Variants in EXOC6B observed in about 807,000 individuals in gnomAD.
The protein encoded by EXOC6B is SEC15 homolog B.
A neutral mutation model predicts 113.5 loss-of-function variants in EXOC6B; 54 were observed. The observed-to-expected ratio is 0.48, with a 90% CI of 0.38 to 0.60. EXOC6B has a LOEUF of 0.60. EXOC6B is among the 20% of genes least tolerant of loss of function. The pLI, the probability that EXOC6B is intolerant of heterozygous loss-of-function variation, is 0.00. For missense variants in EXOC6B, 797 were observed against 977.5 expected (o/e 0.82, Z 2.46); for synonymous variants, 357 against 339.0 (o/e 1.05, Z -0.58).
intron 18 of EXOC6B, among the ~76,000 whole-genome samples, chr2:72,435,781 C>T (rs1415930825): frequency 6.6e-6 from 1 of 151,386 alleles, no homozygotes; most frequent in East Asian, 1.9e-4. Flanking sequence ...TTATTTTCAG[C>T]CTATGTTTGT....
chr2:72,789,470 C>CT (rs1364084925), intron 1 of EXOC6B, among the ~76,000 whole-genome samples: 13 of 152,176 alleles, frequency 8.5e-5, no homozygotes, highest in Admixed American at 6.5e-5. Flanking sequence ...GACAACAACT[C>CT]TGAGTCAAAT....
chr2:72,260,008 C>A (rs947860574), intron 20 of EXOC6B, among the ~76,000 whole-genome samples: 2 of 151,650 alleles, frequency 1.3e-5, no homozygotes, highest in Non-Finnish European at 2.9e-5. Context: ...GCTGTGATTG[C>A]GCCACTGTAC....
At chr2:72,401,573 A>G (rs1447800276) in intron 18 of EXOC6B, among the ~76,000 whole-genome samples, 1 of 26,330 alleles carries the variant, frequency 3.8e-5, no homozygotes, top group Non-Finnish European at 5.8e-5. Flanking sequence ...ATACATATAT[A>G]TATATATACA....
intron 17 of EXOC6B, among the ~76,000 whole-genome samples, chr2:72,467,323 G>C (rs1698117475): frequency 6.6e-6 from 1 of 152,146 alleles, no homozygotes; most frequent in African/African-American, 2.4e-5. Context: ...ATGACATACT[G>C]ATTTCATTTC....
At chr2:72,445,624 G>C (rs1041223974) in intron 18 of EXOC6B, among the ~76,000 whole-genome samples, 14 of 152,202 alleles carry the variant, frequency 9.2e-5, no homozygotes, top group Non-Finnish European at 7.3e-5. Context: ...GGCAAAGAGA[G>C]AGAGAGCTTG....
chr2:72,473,415 T>G (rs1039531800), intron 17 of EXOC6B, among the ~76,000 whole-genome samples: 24 of 152,136 alleles, frequency 1.6e-4, no homozygotes, highest in Admixed American at 1.6e-3. Context: ...ATTGATCCCA[T>G]TATCATTATA....
At chr2:72,406,616 C>T (rs930400132) in intron 18 of EXOC6B, among the ~76,000 whole-genome samples, 1 of 151,988 alleles carries the variant, frequency 6.6e-6, no homozygotes, top group South Asian at 2.1e-4. Flanking sequence ...GGGTACATAA[C>T]GAAATGAAGG....
intron 20 of EXOC6B, among the ~76,000 whole-genome samples, chr2:72,297,634 T>C (rs1242059998): frequency 6.6e-6 from 1 of 152,246 alleles, no homozygotes; most frequent in Non-Finnish European, 1.5e-5. Context: ...CTTTCTCTTG[T>C]GGGCATTTAG....
chr2:72,760,658 G>T (rs527979032), intron 1 of EXOC6B: 1 of 152,568 alleles, frequency 6.6e-6, no homozygotes, highest in Non-Finnish European at 1.5e-5. Flanking sequence ...TTGAAAAAAT[G>T]GTCCTAGAGC....
intron 1 of EXOC6B, among the ~76,000 whole-genome samples, chr2:72,783,186 G>GTTT (rs200092186): frequency 7.0e-5 from 10 of 142,958 alleles, no homozygotes; most frequent in African/African-American, 1.0e-4. Context: ...GTTTGTTGGG[G>GTTT]TTTTTTTTTT....
At chr2:72,351,119 C>G (rs574720044) in intron 19 of EXOC6B, among the ~76,000 whole-genome samples, 75 of 152,064 alleles carry the variant, frequency 4.9e-4, no homozygotes, top group African/African-American at 1.8e-3. Context: ...AGTCTGACAG[C>G]TGGATTTGGT....
chr2:72,664,760 G>A (rs1675272342), intron 6 of EXOC6B, among the ~76,000 whole-genome samples: 1 of 152,184 alleles, frequency 6.6e-6, no homozygotes, highest in African/African-American at 2.4e-5. Flanking sequence ...GTTCCAGTTT[G>A]GCTTCTCCCA....
chr2:72,258,826 C>T (rs1254504654), intron 20 of EXOC6B, among the ~76,000 whole-genome samples: 1 of 152,168 alleles, frequency 6.6e-6, no homozygotes, highest in East Asian at 1.9e-4. Flanking sequence ...TCCTAACCAT[C>T]CCCTGCTAAC....
chr2:72,480,608 C>T lies in EXOC6B; in HGVS notation c.1800+8G>A, dbSNP rs1699023384. 1 of 1,574,830 alleles carries T rather than the reference C, an allele frequency of 6.3e-7. No individual in the cohort carries two copies. Among genetic ancestry groups the T allele is most frequent in the Non-Finnish European group, 8.6e-7 (1 of 1,158,404 alleles). Reference sequence around the variant, plus strand: ...AAGCAGTTCCACAGTACTGTAGGGCCCTCTCACCTTAAAAGTTGTGGTGCC... The same window carrying T: ...AAGCAGTTCCACAGTACTGTAGGGCTCTCTCACCTTAAAAGTTGTGGTGCC... On this transcript the variant is annotated splice_region_variant and intron_variant, in intron 17 of 21. Transcript: ENST00000272427.
At chr2:72,816,996 T>C (rs1686287320) in intron 1 of EXOC6B, among the ~76,000 whole-genome samples, 1 of 152,248 alleles carries the variant, frequency 6.6e-6, no homozygotes, top group Non-Finnish European at 1.5e-5. Context: ...GTTTGCTTGA[T>C]AACTCAATGA....
intron 2 of EXOC6B, among the ~76,000 whole-genome samples, chr2:72,739,261 A>G (rs1484046185): frequency 1.3e-5 from 2 of 152,170 alleles, no homozygotes; most frequent in Admixed American, 1.3e-4. Context: ...TCCTAAAATT[A>G]CGTGGGGTTT....
At chr2:72,797,338 AG>A (rs1685019752) in intron 1 of EXOC6B, among the ~76,000 whole-genome samples, 1 of 152,258 alleles carries the variant, frequency 6.6e-6, no homozygotes. Flanking sequence ...CAGAAAAGGA[AG>A]GTACTCTAGG....
intron 6 of EXOC6B, among the ~76,000 whole-genome samples, chr2:72,615,100 A>G (rs1671303337): frequency 6.6e-6 from 1 of 152,102 alleles, no homozygotes; most frequent in Non-Finnish European, 1.5e-5. Flanking sequence ...CAAAAACAAG[A>G]TGCTGGAAAA....
At chr2:72,470,840 C>T (rs1017918502) in intron 17 of EXOC6B, among the ~76,000 whole-genome samples, 1 of 152,064 alleles carries the variant, frequency 6.6e-6, no homozygotes, top group Non-Finnish European at 1.5e-5. Flanking sequence ...TGTATATGTG[C>T]CAACTTTTCT....
Sources: gnomAD v4.1 joint callset for allele counts (sites outside exome capture counted in the v4.1 genomes callset) on GRCh38, gnomAD v4.1.1 for gene constraint, MANE v1.5 for transcripts, NCBI Gene and HGNC (gene_info 2026-07-23, HGNC 2026-07-21) for gene names.